The following LFNG variants were observed in gnomAD, a reference collection of about 807,000 sequenced individuals.
The protein encoded by LFNG is beta-1,3-N-acetylglucosaminyltransferase lunatic fringe.
In LFNG, 15 loss-of-function variants were observed where a neutral mutation model predicts 32.7. The observed-to-expected ratio is 0.46, with a 90% CI of 0.31 to 0.71. LFNG has a LOEUF of 0.71. LFNG is among the 30% of genes least tolerant of loss of function. The pLI is 0.06. For synonymous variants in LFNG, 274 were observed against 246.8 expected (o/e 1.11, Z -1.03); for missense variants, 520 against 545.7 (o/e 0.95, Z 0.47).
At chr7:2,513,517 G>C (rs948121746), upstream of LFNG, among the ~76,000 whole-genome samples, 37 of 152,284 alleles carry the variant, frequency 2.4e-4, no homozygotes, top group Middle Eastern at 3.4e-3. Context: ...GGGCTCCCCT[G>C]GGGCCAAGAC....
chr7:2,524,529 G>A lies in LFNG; in HGVS notation c.433-166G>A, dbSNP rs866937972. On this transcript the variant is annotated intron_variant, in intron 1 of 7. Transcript: ENST00000222725. The stretch of plus-strand genomic sequence containing the variant: ...CAGATGGCACTGAGATGGGGCACTT[G>A]AGCCCTTCTCAGCACGAGTGGGGAA... The A allele has an allele frequency of 9.5e-5, 67 of 702,460 alleles. 2 individuals are homozygous for A. The highest frequency in any genetic ancestry group is 9.5e-4 in the South Asian group (60 of 63,066). The allele number at this position is 702,460 out of a possible 1,614,324, so 43.5% of individuals were successfully genotyped here.
chr7:2,520,141 G>A lies in LFNG; in HGVS notation c.280G>A (p.Ala94Thr), dbSNP rs1246857069. 2.1e-6 allele frequency: 3 copies of A among 1,419,972 alleles called. No homozygotes were observed. The highest frequency in any genetic ancestry group is 2.8e-6 in the Non-Finnish European group (3 of 1,079,260). 88.0% of individuals were successfully genotyped at this position (1,419,972 alleles called of 1,614,324 possible). ...ARRDAGPPPG[A>T]APRPADGHPR... is the part of the protein sequence containing the mutation. Reference sequence around the variant, plus strand: ...CAGAGATGCGGGCCCGCCGCCCGGGGCTGCCCCCCGCCCCGCCGACGGCCA... The same window carrying A: ...CAGAGATGCGGGCCCGCCGCCCGGGACTGCCCCCCGCCCCGCCGACGGCCA... The change falls in exon 1 of 8, where the codon GCT becomes ACT. Residue 94 changes from alanine to threonine, a missense_variant. Physicochemically the swap from Ala to Thr is moderately conservative, Grantham distance 58 (BLOSUM62 0). Around this residue, in one of 3 missense-constraint regions of LFNG, gnomAD observed 360 missense variants for 354.7 expected, o/e 1.01. Transcript: ENST00000222725. The surrounding 1 kb of genome is among the most constrained non-coding windows in gnomAD (Gnocchi z 5.0).
At chr7:2,528,799 G>C (rs1469006068), downstream of LFNG, 1 of 643,968 alleles carries the variant, frequency 1.6e-6, no homozygotes, top group Non-Finnish European at 2.9e-6. Flanking sequence ...TCCTGTGACC[G>C]GGCCTGGGGC....
Position 2,527,176 on chromosome 7 carries a change from G to T in LFNG, c.1104G>T (p.Pro368=), listed in dbSNP as rs544123371. 5 of 1,612,804 alleles carry T rather than the reference G, an allele frequency of 3.1e-6. No homozygotes were observed. The African/African-American group carries it at 6.7e-5, about 22-fold the overall frequency. Residue 368 remains proline (P), a synonymous_variant, in exon 8 of 8, where the codon CCG becomes CCT. Coordinates refer to ENST00000222725, the MANE Select transcript of LFNG (RefSeq NM_001040167.2). The surrounding 1 kb of genome is among the most constrained non-coding windows in gnomAD (Gnocchi z 4.4). ...GCTCCATCCACTGCCACCTGTACCC[G>T]GACACACCCTGGTGTCCCCGCACTG... ...RFRSIHCHLY[P]DTPWCPRTAI... is the part of the protein sequence containing the mutation.
Position 2,520,182 on chromosome 7 carries a change from C to G in LFNG, c.321C>G (p.Ala107=). 2 of 1,570,312 alleles carry G rather than the reference C, an allele frequency of 1.3e-6. No individual in the cohort carries two copies. The highest frequency in any genetic ancestry group is 8.6e-7 in the Non-Finnish European group (1 of 1,160,400). ...CCGACGGCCACCCGCGCCCCCTGGC[C>G]GAGCCGCTCGCGCCCCGAGACGTCT... ...RPADGHPRPL[A]EPLAPRDVFI... is the part of the protein sequence containing the mutation. The change falls in exon 1 of 8, where the codon GCC becomes GCG. Residue 107 remains alanine, a synonymous_variant. Coordinates refer to ENST00000222725, the MANE Select transcript of LFNG (RefSeq NM_001040167.2). The surrounding 1 kb of genome is among the most constrained non-coding windows in gnomAD (Gnocchi z 5.0).
rs1161179176 is a variant in LFNG, at chr7:2,519,883, C to A, written c.22C>A (p.Arg8Ser). Residue 8 changes from arginine to serine, a missense_variant, in exon 1 of 8, where the codon CGC becomes AGC. Coordinates refer to ENST00000222725, the MANE Select transcript of LFNG (RefSeq NM_001040167.2). MLKRCGR[R>S]LLLALAGALL... Reference sequence around the variant, plus strand: ...CACCATGCTCAAGCGCTGCGGCCGGCGCCTGCTGCTGGCGCTGGCGGGCGC... The same window carrying A: ...CACCATGCTCAAGCGCTGCGGCCGGAGCCTGCTGCTGGCGCTGGCGGGCGC... 2 of 1,102,930 alleles carry A rather than the reference C, an allele frequency of 1.8e-6. No individual in the cohort carries two copies. Among genetic ancestry groups the A allele is most frequent in the South Asian group, 3.0e-5 (1 of 32,978 alleles). 68.3% of individuals were successfully genotyped at this position (1,102,930 alleles called of 1,614,324 possible). A position where few individuals can be genotyped will look rare whatever the true frequency, so the allele number is the denominator to read the frequency against.
rs1212203950 is a variant in LFNG at position 2,526,885 on chromosome 7, T to G, written c.1037T>G (p.Val346Gly). ...MFENKRNAVHVKGPFSVEADP... is the reference protein window; with the variant it reads ...MFENKRNAVHGKGPFSVEADP... ...GAAAACAAGCGGAACGCCGTCCACG[T>G]GAAGGGGCCCTTCTCGGTGGAGGCC... The change falls in exon 7 of 8, where the codon GTG becomes GGG. Residue 346 changes from valine (V) to glycine (G), a missense_variant. Transcript: ENST00000222725. This position sits in a 1 kb window ranked among gnomAD's most constrained non-coding sequence, Gnocchi z 6.9. 1 of 1,609,022 alleles carries G rather than the reference T, an allele frequency of 6.2e-7. No individual in the cohort carries two copies. Among genetic ancestry groups the G allele is most frequent in the Non-Finnish European group, 8.5e-7 (1 of 1,179,196 alleles).
At chr7:2,522,604 GC>G (rs1412605922) in intron 1 of LFNG, among the ~76,000 whole-genome samples, 3 of 146,568 alleles carry the variant, frequency 2.0e-5, no homozygotes, top group African/African-American at 7.3e-5. Context: ...CATCCACCCG[GC>G]TCTTCCTCCT....
At chr7:2,519,609 C>A (rs1185173917), upstream of LFNG, among the ~76,000 whole-genome samples, 1 of 150,002 alleles carries the variant, frequency 6.7e-6, no homozygotes, top group Non-Finnish European at 1.5e-5. Context: ...GGGGCCGCTG[C>A]GCCCTCTGGG....
At chr7:2,519,406 C>A (rs1205091615), upstream of LFNG, among the ~76,000 whole-genome samples, 1 of 152,158 alleles carries the variant, frequency 6.6e-6, no homozygotes. Context: ...GGTCTCAGCA[C>A]CCTGCCCGCT....
chr7:2,526,737 G>T lies in LFNG; in HGVS notation c.988-99G>T. On this transcript the variant is annotated intron_variant, in intron 6 of 7. Transcript: ENST00000222725. The surrounding 1 kb of genome is among the most constrained non-coding windows in gnomAD (Gnocchi z 6.9). ...GTCCTTCCAGGTCCAAGGGAGGCCA[G>T]GGCAGGGCCGTTGCCTCACTCAGGG... 1.8e-6 allele frequency: 2 copies of T among 1,123,158 alleles called. No homozygotes were observed. The highest frequency in any genetic ancestry group is 2.6e-5 in the South Asian group (2 of 78,368). The allele number at this position is 1,123,158 out of a possible 1,614,324, so 69.6% of individuals were successfully genotyped here. A position where few individuals can be genotyped will look rare whatever the true frequency, so the allele number is the denominator to read the frequency against.
rs1431269572 is a variant in LFNG, at chr7:2,526,510, G to T, written c.987+101G>T. The T allele has an allele frequency of 7.5e-7, 1 of 1,327,934 alleles. No individual in the cohort carries two copies. The highest frequency in any genetic ancestry group is 1.1e-6 in the Non-Finnish European group (1 of 946,940). 82.3% of individuals were successfully genotyped at this position (1,327,934 alleles called of 1,614,324 possible). A position where few individuals can be genotyped will look rare whatever the true frequency, so the allele number is the denominator to read the frequency against. ...GGGGTGGGGCACTGTTCTAAACAGG[G>T]AGGCCAGGCAGCACTCCACTGTCAG... On this transcript the variant is annotated intron_variant, in intron 6 of 7. Coordinates refer to ENST00000222725, the MANE Select transcript of LFNG (RefSeq NM_001040167.2). The surrounding 1 kb of genome is among the most constrained non-coding windows in gnomAD (Gnocchi z 6.9).
chr7:2,520,898 C>A lies in LFNG; in HGVS notation c.432+605C>A, dbSNP rs1406153217. 2.0e-5 allele frequency among the ~76,000 whole-genome samples: 3 copies of A among 152,188 alleles called. No homozygotes were observed. The highest frequency in any genetic ancestry group is 4.4e-5 in the Non-Finnish European group (3 of 68,040). ...CTGAGGCCTGCAACCTTGGGCACAGCCCACTTCAGTTGGGCATCAGCTTCT... is the reference window on the plus strand; with the variant it reads ...CTGAGGCCTGCAACCTTGGGCACAGACCACTTCAGTTGGGCATCAGCTTCT... On this transcript the variant is annotated intron_variant, in intron 1 of 7. Coordinates refer to ENST00000222725, the MANE Select transcript of LFNG (RefSeq NM_001040167.2). This position sits in a 1 kb window ranked among gnomAD's most constrained non-coding sequence, Gnocchi z 5.0.
chr7:2,518,519 C>A (rs1338219347), upstream of LFNG: 1 of 1,035,818 alleles, frequency 9.7e-7, no homozygotes. Flanking sequence ...TTTTTCAGAG[C>A]ACCTACTATG....
chr7:2,520,459 G>T lies in LFNG; in HGVS notation c.432+166G>T, dbSNP rs1779759623. 6.6e-6 allele frequency among the ~76,000 whole-genome samples: 1 copy of T among 152,166 alleles called. No homozygotes were observed. Among genetic ancestry groups the T allele is most frequent in the Admixed American group, 6.5e-5 (1 of 15,284 alleles). On this transcript the variant is annotated intron_variant, in intron 1 of 7. Coordinates refer to ENST00000222725, the MANE Select transcript of LFNG (RefSeq NM_001040167.2). The surrounding 1 kb of genome is among the most constrained non-coding windows in gnomAD (Gnocchi z 5.0). ...CCGGTGCACCCAGTTTGCCTGCTGGGGCCACTCTCCCGTTACAGTTGTGTT... is the reference window on the plus strand; with the variant it reads ...CCGGTGCACCCAGTTTGCCTGCTGGTGCCACTCTCCCGTTACAGTTGTGTT...
chr7:2,528,250 C>G lies in LFNG; in HGVS notation c.*1038C>G, dbSNP rs894519870. 1 of 985,924 alleles carries G rather than the reference C, an allele frequency of 1.0e-6. No homozygotes were observed. Among genetic ancestry groups the G allele is most frequent in the Non-Finnish European group, 1.2e-6 (1 of 830,048 alleles). 61.1% of individuals were successfully genotyped at this position (985,924 alleles called of 1,614,324 possible). ...TCCCTGCCCTCCTCCTGTGTAGCTG[C>G]CACCTCCCCGCTGGGCCCAGCATGG... On this transcript the variant is annotated 3_prime_UTR_variant, in exon 8 of 8. Coordinates refer to ENST00000222725, the MANE Select transcript of LFNG (RefSeq NM_001040167.2).
At chr7:2,513,983 G>T (rs552080163), upstream of LFNG, among the ~76,000 whole-genome samples, 69 of 152,356 alleles carry the variant, frequency 4.5e-4, 1 homozygote, top group African/African-American at 1.6e-3. Flanking sequence ...GTGGGCTTAA[G>T]GGTGTGCCAC....
intron 1 of LFNG, chr7:2,523,747 C>T (rs1285842022): frequency 3.9e-5 from 6 of 152,450 alleles, no homozygotes; most frequent in Non-Finnish European, 5.9e-5. Context: ...GGTTTCCTTG[C>T]CTGAGCAGTG....
chr7:2,521,449 C>T (rs576997191), intron 1 of LFNG, among the ~76,000 whole-genome samples: 1 of 152,344 alleles, frequency 6.6e-6, no homozygotes, highest in East Asian at 1.9e-4. Flanking sequence ...CTTTCTCCAG[C>T]GAGAAAGGCG....
Sources: allele counts gnomAD v4.1 joint callset (sites outside exome capture counted in the v4.1 genomes callset), GRCh38; gene constraint gnomAD v4.1.1; regional missense constraint gnomAD v4.1.1; non-coding constraint Gnocchi (gnomAD v3.1); transcripts MANE v1.5; gene names NCBI Gene and HGNC (gene_info 2026-07-23, HGNC 2026-07-21).